Variants in TENM1 observed in about 807,000 individuals in gnomAD.
TENM1 encodes teneurin-1.
In TENM1, 35 loss-of-function variants were observed where a neutral mutation model predicts 174.8. The observed-to-expected ratio is 0.20, with a 90% CI of 0.15 to 0.27. The LOEUF is 0.27. Among genes scored for constraint, TENM1 ranks in the 10% least tolerant of loss-of-function variants. TENM1 has a pLI of 1.00. For missense variants in TENM1, 1,633 were observed against 2,130.1 expected, an observed-to-expected ratio of 0.77 and a Z score of 4.59; for synonymous variants, 781 against 798.7, an observed-to-expected ratio of 0.98 and a Z score of 0.37.
chrX:125,139,857 CGGAGAGAGAGAGAGAG>C, the TENM1 span, among the ~76,000 whole-genome samples: 1 of 72,229 alleles, frequency 1.4e-5, no homozygotes, highest in Non-Finnish European at 2.5e-5. Flanking sequence ...CACACACACA[CGGAGAGAGAGAGAGAG>C]AGAGAGAGAG....
chrX:125,157,555 T>C, the TENM1 span, among the ~76,000 whole-genome samples: 1 of 111,923 alleles, frequency 8.9e-6, no homozygotes, highest in Non-Finnish European at 1.9e-5. Context: ...TTGATGATGA[T>C]TGGTTTCTCT....
At chrX:124,591,957 G>C (rs2049756033) in intron 11 of TENM1, among the ~76,000 whole-genome samples, 1 of 111,447 alleles carries the variant, frequency 9.0e-6, no homozygotes, top group Non-Finnish European at 1.9e-5. Context: ...GACTGGCATA[G>C]TTCAAAAGAC....
the TENM1 span, among the ~76,000 whole-genome samples, chrX:125,050,331 G>C: frequency 1.8e-5 from 2 of 108,551 alleles, no homozygotes; most frequent in African/African-American, 6.7e-5. Context: ...CCCACAACAG[G>C]CTCCGGTGTG....
At chrX:124,596,709 T>A (rs903912879) in intron 11 of TENM1, among the ~76,000 whole-genome samples, 2 of 111,343 alleles carry the variant, frequency 1.8e-5, no homozygotes, top group African/African-American at 6.5e-5. Context: ...TGGTATGAGA[T>A]GGGGCTGGAC....
At chrX:125,129,849 A>G in the TENM1 span, among the ~76,000 whole-genome samples, 1 of 111,404 alleles carries the variant, frequency 9.0e-6, no homozygotes, top group African/African-American at 3.3e-5. Flanking sequence ...TCTTCTGTTA[A>G]TGGACACTTA....
chrX:124,405,954 C>A, intron 26 of TENM1, among the ~76,000 whole-genome samples: 1 of 103,888 alleles, frequency 9.6e-6, no homozygotes, highest in South Asian at 4.7e-4. Context: ...TTTTCTTCAC[C>A]CATGTTGGCA....
intron 11 of TENM1, among the ~76,000 whole-genome samples, chrX:124,574,310 G>A (rs1216563653): frequency 9.0e-6 from 1 of 111,198 alleles, no homozygotes; most frequent in Non-Finnish European, 1.9e-5. Flanking sequence ...TTAGGCAAAA[G>A]TTTCTAGTAA....
intron 25 of TENM1, among the ~76,000 whole-genome samples, chrX:124,409,006 T>C (rs1474519558): frequency 9.1e-6 from 1 of 109,795 alleles, no homozygotes; most frequent in African/African-American, 3.3e-5. Flanking sequence ...AACTCATCGT[T>C]TTTTATGGCT....
At chrX:124,910,938 G>A (rs1882289395) in intron 1 of TENM1, among the ~76,000 whole-genome samples, 1 of 107,914 alleles carries the variant, frequency 9.3e-6, no homozygotes, top group African/African-American at 3.4e-5. Flanking sequence ...TTTTGAGACA[G>A]GGTCTTGCTC....
intron 28 of TENM1, among the ~76,000 whole-genome samples, chrX:124,391,366 A>T (rs2060279826): frequency 8.9e-6 from 1 of 111,967 alleles, no homozygotes. Context: ...TGAGATAGAG[A>T]TCAATTACTC....
At chrX:124,605,269 G>A (rs937206963) in intron 11 of TENM1, among the ~76,000 whole-genome samples, 4 of 103,182 alleles carry the variant, frequency 3.9e-5, no homozygotes, top group African/African-American at 1.4e-4. Flanking sequence ...TACTACTTTT[G>A]ACTAGGTGAC....
intron 18 of TENM1, among the ~76,000 whole-genome samples, chrX:124,515,997 A>C (rs973606295): frequency 9.0e-6 from 1 of 111,510 alleles, no homozygotes; most frequent in Non-Finnish European, 1.9e-5. Context: ...TGGTATAAAA[A>C]CAGACACACA....
At chrX:124,610,407 C>T (rs776898900) in intron 11 of TENM1, among the ~76,000 whole-genome samples, 4 of 112,160 alleles carry the variant, frequency 3.6e-5, no homozygotes, top group Non-Finnish European at 7.5e-5. Flanking sequence ...TCAAATTTCA[C>T]TGCCTTTGGA....
the TENM1 span, among the ~76,000 whole-genome samples, chrX:125,195,059 G>A: frequency 8.9e-6 from 1 of 111,749 alleles, no homozygotes; most frequent in African/African-American, 3.2e-5. Flanking sequence ...TTTGAAGAAG[G>A]TTTGATAAAT....
the TENM1 span, among the ~76,000 whole-genome samples, chrX:125,049,228 T>C: frequency 0.031 from 3,457 of 111,791 alleles, 74 homozygotes; most frequent in Non-Finnish European, 0.052. Context: ...CCTGTACTCA[T>C]TGACAGTCAC....
the TENM1 span, among the ~76,000 whole-genome samples, chrX:124,975,309 A>G: frequency 3.6e-5 from 4 of 111,637 alleles, no homozygotes; most frequent in East Asian, 5.6e-4. Context: ...GAGAAGAACA[A>G]TAGCTGCTTA....
chrX:125,080,053 C>T, the TENM1 span, among the ~76,000 whole-genome samples: 1 of 103,721 alleles, frequency 9.6e-6, no homozygotes. Context: ...CCTCCAGATA[C>T]GTTTCCTAGC....
At chrX:125,000,238 A>G in the TENM1 span, among the ~76,000 whole-genome samples, 1 of 111,902 alleles carries the variant, frequency 8.9e-6, no homozygotes, top group Non-Finnish European at 1.9e-5. Flanking sequence ...TGTTAAAATT[A>G]CAAATTTACA....
rs1298933693 is a variant in TENM1, at chrX:124,523,629, A to T, written c.2772-4T>A. 2 of 1,206,959 alleles carry T rather than the reference A, an allele frequency of 1.7e-6. No individual in the cohort carries two copies. Among genetic ancestry groups the T allele is most frequent in the African/African-American group, 3.5e-5 (2 of 57,132 alleles). ...ACCGATGGCCACGAGGTCAAAGCTA[A>T]GAAGGAAAAACATAAGACAGTTGCA... is the stretch of plus-strand genomic sequence containing the variant. On this transcript the variant is annotated splice_polypyrimidine_tract_variant and splice_region_variant and intron_variant, in intron 16 of 31. Transcript: ENST00000422452.
Sources: allele counts gnomAD v4.1 joint callset (sites outside exome capture counted in the v4.1 genomes callset), GRCh38; gene constraint gnomAD v4.1.1; transcripts MANE v1.5; gene names NCBI Gene and HGNC (gene_info 2026-07-23, HGNC 2026-07-21).